Variants in SGCZ observed in about 807,000 individuals in gnomAD.
The protein encoded by SGCZ is zeta-sarcoglycan.
SGCZ carries 40 observed loss-of-function variants against 41.3 expected under a neutral mutation model. The observed-to-expected ratio is 0.97, with a 90% CI of 0.75 to 1.26. The LOEUF (loss-of-function observed/expected upper bound fraction) is 1.26. Ranked by LOEUF, SGCZ falls within the 50% of genes most tolerant of loss-of-function variation. The pLI, the probability that SGCZ is intolerant of heterozygous loss-of-function variation, is 0.00. For synonymous variants in SGCZ, 206 were observed against 137.5 expected, an observed-to-expected ratio of 1.50 and a Z score of -3.49; for missense variants, 552 against 369.8, an observed-to-expected ratio of 1.49 and a Z score of -4.04.
At chr8:14,469,962 C>T (rs997905770) in intron 2 of SGCZ, among the ~76,000 whole-genome samples, 12 of 152,070 alleles carry the variant, frequency 7.9e-5, no homozygotes, top group Non-Finnish European at 5.9e-5. Context: ...GTTCTGTGAT[C>T]CACTCCAGCA....
intron 1 of SGCZ, among the ~76,000 whole-genome samples, chr8:14,766,727 A>ATTTTTTTTTTTTTTTTTTTTTTTTTTTT (rs33955290): frequency 1.1e-5 from 1 of 92,804 alleles, no homozygotes; most frequent in Non-Finnish European, 2.0e-5. Context: ...ATGTCCAGCT[A>ATTTTTTTTTTTTTTTTTTTTTTTTTTTT]TTTTTTTTTT....
intron 2 of SGCZ, among the ~76,000 whole-genome samples, chr8:14,506,526 A>T (rs1269696202): frequency 6.6e-6 from 1 of 152,130 alleles, no homozygotes; most frequent in Non-Finnish European, 1.5e-5. Context: ...CAGTCTCCTA[A>T]TTCCACATCC....
chr8:14,938,076 A>G (rs768633556), intron 1 of SGCZ, among the ~76,000 whole-genome samples: 1 of 152,160 alleles, frequency 6.6e-6, no homozygotes, highest in Non-Finnish European at 1.5e-5. Flanking sequence ...ACACTAACAC[A>G]TATATACATA....
At chr8:14,865,618 T>C (rs893654520) in intron 1 of SGCZ, among the ~76,000 whole-genome samples, 40 of 152,110 alleles carry the variant, frequency 2.6e-4, no homozygotes, top group African/African-American at 8.9e-4. Context: ...CAAGCAATGA[T>C]GTTCATGGGA....
At chr8:15,040,947 G>C (rs1242881727) in intron 1 of SGCZ, among the ~76,000 whole-genome samples, 2 of 152,074 alleles carry the variant, frequency 1.3e-5, no homozygotes, top group Non-Finnish European at 2.9e-5. Flanking sequence ...GTAAAAAAGT[G>C]TCTAATACGT....
At chr8:14,295,015 T>A (rs568708177) in intron 3 of SGCZ, among the ~76,000 whole-genome samples, 1 of 152,134 alleles carries the variant, frequency 6.6e-6, no homozygotes, top group Non-Finnish European at 1.5e-5. Flanking sequence ...TTGAAAAACA[T>A]TTTTTCAATT....
chr8:14,168,359 G>T (rs1305693842), intron 4 of SGCZ, among the ~76,000 whole-genome samples: 1 of 152,070 alleles, frequency 6.6e-6, no homozygotes, highest in Non-Finnish European at 1.5e-5. Flanking sequence ...ATATGGTTTG[G>T]TTGTCTCCCC....
At chr8:14,494,918 T>G (rs186946249) in intron 2 of SGCZ, among the ~76,000 whole-genome samples, 5 of 152,338 alleles carry the variant, frequency 3.3e-5, no homozygotes, top group Non-Finnish European at 7.4e-5. Context: ...GCATTATCCT[T>G]GCTGCCCTAA....
intron 1 of SGCZ, among the ~76,000 whole-genome samples, chr8:14,677,488 T>C (rs1317204855): frequency 6.6e-6 from 1 of 152,112 alleles, no homozygotes; most frequent in African/African-American, 2.4e-5. Context: ...TGATTCTATA[T>C]GGGCCGGGCG....
chr8:14,422,674 G>T (rs1191583375), intron 2 of SGCZ, among the ~76,000 whole-genome samples: 1 of 152,178 alleles, frequency 6.6e-6, no homozygotes, highest in Admixed American at 6.5e-5. Flanking sequence ...AAAGCCTGTG[G>T]GGAGATGTAG....
At chr8:15,224,537 G>A (rs942461508) in intron 1 of SGCZ, among the ~76,000 whole-genome samples, 2 of 151,796 alleles carry the variant, frequency 1.3e-5, no homozygotes, top group African/African-American at 2.4e-5. Flanking sequence ...GTAATTTCTG[G>A]GATTAAACAT....
chr8:14,521,372 GT>G (rs1802783366), intron 2 of SGCZ, among the ~76,000 whole-genome samples: 1 of 151,984 alleles, frequency 6.6e-6, no homozygotes, highest in Admixed American at 6.6e-5. Flanking sequence ...CCAGGTCCTT[GT>G]GTGTATTGAT....
At chr8:14,108,330 G>C in intron 5 of SGCZ, 95 bp from the exon 6 acceptor site, 1 of 1,145,692 alleles carries the variant, frequency 8.7e-7, no homozygotes. Flanking sequence ...CCAAAACAGA[G>C]AAAACTTAAA....
chr8:14,404,907 G>C (rs73664351), intron 2 of SGCZ, among the ~76,000 whole-genome samples: 22,764 of 152,140 alleles, frequency 0.15, 3,874 homozygotes, highest in African/African-American at 0.42. Context: ...TCTATTTGCT[G>C]TCTCTTCTTT....
At chr8:14,508,459 G>A (rs1464988003) in intron 2 of SGCZ, among the ~76,000 whole-genome samples, 1 of 152,104 alleles carries the variant, frequency 6.6e-6, no homozygotes, top group East Asian at 1.9e-4. Context: ...GCCATGACTG[G>A]GACCCCAGAG....
rs10105116 is a variant in SGCZ, at chr8:14,842,208, G to T, written c.40-287282C>A. ...TGGAGTTCGAAGGACCAACAAGAGA[G>T]CAGTGATTAGCAAATGTTTTCCTGC... On this transcript the variant is annotated intron_variant, in intron 1 of 7. Transcript: ENST00000382080. Among the ~76,000 whole-genome samples the T allele has an allele frequency of 3.4e-3, 523 of 152,224 alleles. 5 individuals are homozygous for T. The highest frequency in any genetic ancestry group is 0.012 in the African/African-American group (501 of 41,554).
intron 3 of SGCZ, among the ~76,000 whole-genome samples, chr8:14,245,006 G>T (rs184458758): frequency 5.9e-5 from 9 of 152,128 alleles, no homozygotes; most frequent in African/African-American, 2.2e-4. Context: ...GAGACAATGG[G>T]GTTTTCTCAG....
chr8:15,156,057 CAAAAAAAA>C (rs67378130), intron 1 of SGCZ, among the ~76,000 whole-genome samples: 1 of 110,930 alleles, frequency 9.0e-6, no homozygotes, highest in Admixed American at 1.0e-4. Context: ...GATTCCCTCT[CAAAAAAAA>C]AAAAAAAAAA....
intron 1 of SGCZ, among the ~76,000 whole-genome samples, chr8:14,575,723 A>G (rs1201707844): frequency 1.3e-5 from 2 of 151,988 alleles, no homozygotes; most frequent in Admixed American, 1.3e-4. Flanking sequence ...CCTGACCAAC[A>G]TGGTGAAACC....
Sources: gnomAD v4.1 joint callset for allele counts (sites outside exome capture counted in the v4.1 genomes callset) on GRCh38, gnomAD v4.1.1 for gene constraint, MANE v1.5 for transcripts, NCBI Gene and HGNC (gene_info 2026-07-23, HGNC 2026-07-21) for gene names.